MS4A14: variants seen among roughly 807,000 people sequenced by gnomAD.
The protein encoded by MS4A14 is membrane spanning 4-domains A14.
A neutral mutation model predicts 16.7 loss-of-function variants in MS4A14; 18 were observed. That is an observed-to-expected ratio of 1.08 (90% CI 0.75 to 1.60). The LOEUF (loss-of-function observed/expected upper bound fraction) is 1.60, where lower values mean the gene tolerates loss of function less well. Among genes scored for constraint, MS4A14 ranks in the 40% most tolerant of loss-of-function variants. MS4A14 has a pLI of 0.00. For synonymous variants in MS4A14, 305 were observed against 289.4 expected (o/e 1.05, Z -0.55); for missense variants, 812 against 775.3 (o/e 1.05, Z -0.56).
intron 4 of MS4A14, among the ~76,000 whole-genome samples, chr11:60,411,174 C>G (rs2085864535): frequency 1.3e-5 from 2 of 152,274 alleles, no homozygotes. Flanking sequence ...TGTAGCTTTA[C>G]AGTACGTTTC....
At position 60,405,992 on chromosome 11, in the gene MS4A14, G is replaced by A. The variant is rs1216152405; in HGVS notation, c.468+2931G>A. 2.0e-6 allele frequency: 3 copies of A among 1,486,804 alleles called. No homozygotes were observed. The East Asian group carries it at 7.5e-5, about 37-fold the overall frequency. 92.1% of individuals were successfully genotyped at this position (1,486,804 alleles called of 1,614,324 possible). A position where few individuals can be genotyped will look rare whatever the true frequency, so the allele number is the denominator to read the frequency against. On this transcript the variant is annotated intron_variant, in intron 4 of 4. Coordinates refer to ENST00000300187, the MANE Select transcript of MS4A14 (RefSeq NM_032597.5). ...TGCTGGACACAGTCAGATGAGGTGT[G>A]TTCTGATGTCTCTTAATATTATTAA...
Position 60,400,541 on chromosome 11 carries a change from C to G in MS4A14, c.318+87C>G, listed in dbSNP as rs1041635497. ...ATGAAGCCTTTAGTAATAAAGTTAC[C>G]TTTCAGGAAAATCTGTATGCATCAA... is the stretch of plus-strand genomic sequence containing the variant. On this transcript the variant is annotated intron_variant, in intron 3 of 4. Transcript: ENST00000300187. The G allele has an allele frequency of 3.3e-5, 31 of 940,496 alleles. No homozygotes were observed. The Admixed American group carries it at 5.5e-4, about 17-fold the overall frequency. The allele number at this position is 940,496 out of a possible 1,614,324, so 58.3% of individuals were successfully genotyped here. A position where few individuals can be genotyped will look rare whatever the true frequency, so the allele number is the denominator to read the frequency against.
chr11:60,411,428 T>C (rs952292068), intron 4 of MS4A14, among the ~76,000 whole-genome samples: 3 of 152,222 alleles, frequency 2.0e-5, no homozygotes, highest in Non-Finnish European at 4.4e-5. Flanking sequence ...TATTTAGGTC[T>C]CCAATTACAT....
chr11:60,404,161 C>A (rs773568314), intron 4 of MS4A14, among the ~76,000 whole-genome samples: 1 of 152,072 alleles, frequency 6.6e-6, no homozygotes, highest in Non-Finnish European at 1.5e-5. Context: ...TGTATATACC[C>A]GAAAGGGTTA....
Position 60,416,045 on chromosome 11 carries a change from C to T in MS4A14, c.1077C>T (p.Gly359=), listed in dbSNP as rs755447424. 1 of 1,613,482 alleles carries T rather than the reference C, an allele frequency of 6.2e-7. No homozygotes were observed. Among genetic ancestry groups the T allele is most frequent in the East Asian group, 2.2e-5 (1 of 44,848 alleles). ...CAGCTAATGACCTGCCCCCTCAAGG[C>T]ATACTATCCCAAGACACATCATCTC... The part of the protein sequence containing the change: ...NLTANDLPPQ[G]ILSQDTSSQD... Residue 359 remains glycine (G), a synonymous_variant, in exon 5 of 5, where the codon GGC becomes GGT. Transcript: ENST00000300187.
At chr11:60,409,778 T>TTTTC (rs1158252037) in intron 4 of MS4A14, among the ~76,000 whole-genome samples, 1 of 151,428 alleles carries the variant, frequency 6.6e-6, no homozygotes, top group South Asian at 2.1e-4. Flanking sequence ...TGGCCATCTT[T>TTTTC]TTTCTTTCTT....
At chr11:60,411,520 G>A (rs1272856157) in intron 4 of MS4A14, among the ~76,000 whole-genome samples, 3 of 152,092 alleles carry the variant, frequency 2.0e-5, no homozygotes, top group African/African-American at 7.2e-5. Flanking sequence ...ATTATTTTAG[G>A]TGGCATTATA....
rs140936913 is a variant in MS4A14, at chr11:60,416,847, G to A, written c.1879G>A (p.Glu627Lys). 1.1e-4 allele frequency: 178 copies of A among 1,613,736 alleles called. 1 individual carries two copies. Among genetic ancestry groups the A allele is most frequent in the South Asian group, 4.6e-4 (42 of 91,054 alleles). ...PKGQFQNVQA[E>K]GQQAQVEKVP... The stretch of plus-strand genomic sequence containing the variant: ...AGGACAATTCCAAAATGTTCAAGCC[G>A]AAGGACAGCAAGCTCAGGTGGAGAA... The change falls in exon 5 of 5, where the codon GAA (glutamate) becomes AAA (lysine). Residue 627 changes from glutamate (E) to lysine (K), a missense_variant. Transcript: ENST00000300187.
In MS4A14 at chr11:60,416,352, T is replaced by C. The variant is rs532540660; in HGVS notation, c.1384T>C (p.Ser462Pro). The C allele has an allele frequency of 6.2e-7, 1 of 1,613,896 alleles. No homozygotes were observed. The highest frequency in any genetic ancestry group is 2.2e-5 in the East Asian group (1 of 44,864). ...ACAAATGTCATATCAAGATATTAGA[T>C]CAGAAGTTATGGAAGAGACCAAAGA... ...ILQMSYQDIRSEVMEETKEWK... is the reference protein window; with the variant it reads ...ILQMSYQDIRPEVMEETKEWK... Residue 462 changes from serine to proline, a missense_variant, in exon 5 of 5, where the codon TCA (serine) becomes CCA (proline). By Grantham distance (74) the Ser-to-Pro change is moderately conservative. Coordinates refer to ENST00000300187, the MANE Select transcript of MS4A14 (RefSeq NM_032597.5).
Position 60,403,034 on chromosome 11 carries a change from A to G in MS4A14, c.441A>G (p.Ile147Met). Reference sequence around the variant, plus strand: ...GCCAGATGCCATCCTTTGAAGAAATATGTGTTTTCAGTAGAACTCTTTTCA... The same window carrying G: ...GCCAGATGCCATCCTTTGAAGAAATGTGTGTTTTCAGTAGAACTCTTTTCA... The part of the protein sequence containing the change: ...KYCQMPSFEE[I>M]CVFSRTLFIV... The change falls in exon 4 of 5, where the codon ATA (isoleucine) becomes ATG (methionine). Residue 147 changes from isoleucine to methionine, a missense_variant. Ile to Met is a conservative substitution (Grantham distance 10, BLOSUM62 1). Coordinates refer to ENST00000300187, the MANE Select transcript of MS4A14 (RefSeq NM_032597.5). 1 of 1,613,764 alleles carries G rather than the reference A, an allele frequency of 6.2e-7. No individual in the cohort carries two copies. Among genetic ancestry groups the G allele is most frequent in the Non-Finnish European group, 8.5e-7 (1 of 1,179,724 alleles).
chr11:60,415,098 A>G (rs4939355), intron 4 of MS4A14, among the ~76,000 whole-genome samples: 1,605 of 152,216 alleles, frequency 0.011, 73 homozygotes, highest in Admixed American at 0.08. Flanking sequence ...CATCTGGGTG[A>G]TCAATAAACT....
At position 60,415,931 on chromosome 11, in the gene MS4A14, A is replaced by G; in HGVS notation, c.963A>G (p.Pro321=). The G allele has an allele frequency of 6.2e-7, 1 of 1,614,012 alleles. No individual in the cohort carries two copies. The highest frequency in any genetic ancestry group is 8.5e-7 in the Non-Finnish European group (1 of 1,179,936). Reference sequence around the variant, plus strand: ...AAGATATATCACCTGAAGACTTGCCATCCCAAGCTCTACCAGTAGAAGGCC... The same window carrying G: ...AAGATATATCACCTGAAGACTTGCCGTCCCAAGCTCTACCAGTAGAAGGCC... The part of the protein sequence containing the change: ...KLEDISPEDL[P]SQALPVEGLS... The change falls in exon 5 of 5, where the codon CCA becomes CCG. Residue 321 remains proline (P), a synonymous_variant. Coordinates refer to ENST00000300187, the MANE Select transcript of MS4A14 (RefSeq NM_032597.5).
Position 60,396,520 on chromosome 11 carries a change from A to G in MS4A14, c.-59A>G. The G allele has an allele frequency of 6.3e-7, 1 of 1,583,834 alleles. No homozygotes were observed. The highest frequency in any genetic ancestry group is 8.6e-7 in the Non-Finnish European group (1 of 1,164,782). ...TGTGACTCTGGTGGAGAGGTAGATC[A>G]TGATTTGGGCGGCAATGTTTGCTCA... On this transcript the variant is annotated 5_prime_UTR_variant, in exon 1 of 5. The change abolishes an upstream ATG in the 5' untranslated region. Transcript: ENST00000300187.
rs368014397 is a variant in MS4A14, at chr11:60,416,929, G to A, written c.1961G>A (p.Trp654Ter). The change falls in exon 5 of 5, where the codon TGG becomes TAG. Residue 654 changes from tryptophan to a stop codon, truncating the protein, a stop_gained. Coordinates refer to ENST00000300187, the MANE Select transcript of MS4A14 (RefSeq NM_032597.5). LOFTEE classifies it low-confidence loss of function (END_TRUNC). Reference sequence around the variant, plus strand: ...TCCCAAATACAGCAATACCAATTCTGGCAATTCCACAAAGGCAATCTCCAG... The same window carrying A: ...TCCCAAATACAGCAATACCAATTCTAGCAATTCCACAAAGGCAATCTCCAG... ...SESQIQQYQF[W>*]QFHKGNLQAG... The A allele has an allele frequency of 6.2e-6, 10 of 1,613,540 alleles. No homozygotes were observed. The highest frequency in any genetic ancestry group is 8.5e-6 in the Non-Finnish European group (10 of 1,179,758).
chr11:60,415,684 C>A lies in MS4A14; in HGVS notation c.716C>A (p.Pro239Gln), dbSNP rs765149417. 4.3e-6 allele frequency: 7 copies of A among 1,613,888 alleles called. No individual in the cohort carries two copies. The Admixed American group carries it at 1.2e-4, about 27-fold the overall frequency. ...GATGAACAAAAGCAAAGTATCCTTC[C>A]ATCTCCCAAATTTTCAGAGGAAGAA... Reference protein sequence around the residue: ...VPDEQKQSILPSPKFSEEEIE... With the variant: ...VPDEQKQSILQSPKFSEEEIE... The change falls in exon 5 of 5, where the codon CCA (proline) becomes CAA (glutamine). Residue 239 changes from proline to glutamine, a missense_variant. By Grantham distance (76) the Pro-to-Gln change is moderately conservative (BLOSUM62 -1). Transcript: ENST00000300187.
At chr11:60,406,034 TC>T in intron 4 of MS4A14, 1 of 1,212,278 alleles carries the variant, frequency 8.2e-7, no homozygotes, top group Non-Finnish European at 1.1e-6. Context: ...AGGTTCCTGT[TC>T]CTGTTGGGAT....
intron 4 of MS4A14, among the ~76,000 whole-genome samples, chr11:60,411,093 G>A (rs1000147224): frequency 1.3e-5 from 2 of 152,114 alleles, no homozygotes; most frequent in African/African-American, 2.4e-5. Flanking sequence ...TGATCCACCC[G>A]CCTCGGCCTC....
rs763521137 is a variant in MS4A14, at chr11:60,416,038, C to A, written c.1070C>A (p.Pro357His). 3.1e-6 allele frequency: 5 copies of A among 1,613,500 alleles called. No homozygotes were observed. Among genetic ancestry groups the A allele is most frequent in the Admixed American group, 3.3e-5 (2 of 59,814 alleles). ...SSNLTANDLP[P>H]QGILSQDTSS... ...AATCTGACAGCTAATGACCTGCCCC[C>A]TCAAGGCATACTATCCCAAGACACA... The change falls in exon 5 of 5, where the codon CCT becomes CAT. Residue 357 changes from proline to histidine, a missense_variant. By Grantham distance (77) the Pro-to-His change is moderately conservative. Coordinates refer to ENST00000300187, the MANE Select transcript of MS4A14 (RefSeq NM_032597.5).
intron 3 of MS4A14, 101 bp from the exon 4 acceptor site, chr11:60,402,811 G>C (rs1472857513): frequency 8.5e-7 from 1 of 1,170,154 alleles, no homozygotes; most frequent in Admixed American, 2.0e-5. Flanking sequence ...ACTCTTCCCT[G>C]AGAAGTATCT....
Sources: allele counts gnomAD v4.1 joint callset (sites outside exome capture counted in the v4.1 genomes callset), GRCh38; gene constraint gnomAD v4.1.1; transcripts MANE v1.5; gene names NCBI Gene and HGNC (gene_info 2026-07-23, HGNC 2026-07-21).